The following CTDSPL variants were observed in gnomAD, a reference collection of about 807,000 sequenced individuals.
The protein encoded by CTDSPL is CTD small phosphatase-like protein.
CTDSPL carries 8 observed loss-of-function variants against 30.5 expected under a neutral mutation model. The observed-to-expected ratio is 0.26, with a 90% CI of 0.15 to 0.47. The LOEUF is 0.47. Ranked by LOEUF, CTDSPL falls within the 20% of genes least tolerant of loss-of-function variation. CTDSPL has a pLI of 0.99. For missense variants in CTDSPL, 248 were observed against 366.1 expected (o/e 0.68, Z 2.63); for synonymous variants, 110 against 137.9 (o/e 0.80, Z 1.42).
At chr3:37,905,611 A>G (rs778375783) in intron 1 of CTDSPL, among the ~76,000 whole-genome samples, 9 of 152,088 alleles carry the variant, frequency 5.9e-5, no homozygotes, top group Non-Finnish European at 1.0e-4. Context: ...TCCTTGTGCC[A>G]CAGCTGGGCA....
At chr3:37,877,584 A>G (rs1047989388) in intron 1 of CTDSPL, among the ~76,000 whole-genome samples, 19 of 152,182 alleles carry the variant, frequency 1.2e-4, no homozygotes, top group African/African-American at 9.7e-5. Context: ...CTCTGCTTTC[A>G]GTTCTTTGGT....
In CTDSPL at chr3:37,940,759, A is replaced by C. The variant is rs1299329935; in HGVS notation, c.80-6298A>C. Among the ~76,000 whole-genome samples the C allele has an allele frequency of 4.0e-5, 6 of 150,300 alleles. 1 individual carries two copies. Among genetic ancestry groups the C allele is most frequent in the Admixed American group, 2.0e-4 (3 of 15,002 alleles). ...ATTGGTAGGGTGAGAGTGGTTCCCC[A>C]GAGGAAAATAGAGGAACTTTTACCA... On this transcript the variant is annotated intron_variant, in intron 1 of 7. Transcript: ENST00000273179.
At chr3:37,971,077 G>A (rs773481656) in intron 5 of CTDSPL, among the ~76,000 whole-genome samples, 2 of 152,170 alleles carry the variant, frequency 1.3e-5, no homozygotes, top group East Asian at 1.9e-4. Flanking sequence ...AGAAACACAC[G>A]TGAAATGAAT....
intron 1 of CTDSPL, among the ~76,000 whole-genome samples, chr3:37,888,451 G>T (rs1341255248): frequency 6.6e-6 from 1 of 152,206 alleles, no homozygotes; most frequent in Middle Eastern, 3.4e-3. Context: ...ACTTAGTGGT[G>T]CCATTCTCCA....
At position 37,971,796 on chromosome 3, in the gene CTDSPL, G is replaced by A. The variant is rs556205729; in HGVS notation, c.519+297G>A. ...AATCACAAACAGGTCCAGTGTAATG[G>A]ACAAAGGATGGTGTACCCCTCAACC... On this transcript the variant is annotated intron_variant, in intron 6 of 7. Transcript: ENST00000273179. Among the ~76,000 whole-genome samples, 151 of 152,338 alleles carry A rather than the reference G, an allele frequency of 9.9e-4. 2 individuals carry two copies. In the South Asian group the frequency reaches 0.03, roughly 31 times the overall value.
In CTDSPL at chr3:37,973,461, C is replaced by T. The variant is rs779015867; in HGVS notation, c.519+1962C>T. Reference sequence around the variant, plus strand: ...CTCCCACCTGCCCCACCATCTGTCTCTTCAACCCTTCTCTTGCTGCTACTC... The same window carrying T: ...CTCCCACCTGCCCCACCATCTGTCTTTTCAACCCTTCTCTTGCTGCTACTC... On this transcript the variant is annotated intron_variant, in intron 6 of 7. Coordinates refer to ENST00000273179, the MANE Select transcript of CTDSPL (RefSeq NM_001008392.2). Among the ~76,000 whole-genome samples the T allele has an allele frequency of 1.4e-3, 219 of 152,270 alleles. 5 individuals carry two copies. The highest frequency in any genetic ancestry group is 5.0e-4 in the Non-Finnish European group (34 of 68,054).
intron 1 of CTDSPL, among the ~76,000 whole-genome samples, chr3:37,904,720 A>G (rs188058429): frequency 1.3e-5 from 2 of 152,258 alleles, no homozygotes; most frequent in African/African-American, 4.8e-5. Flanking sequence ...CTTTCTTCCC[A>G]CATGGCCAGG....
chr3:37,925,878 C>G (rs547467760), intron 1 of CTDSPL, among the ~76,000 whole-genome samples: 70 of 152,188 alleles, frequency 4.6e-4, no homozygotes, highest in Non-Finnish European at 8.8e-4. Flanking sequence ...TCTTTAACCT[C>G]TTCCCTGCTT....
chr3:37,919,809 G>A (rs1242457682), intron 1 of CTDSPL, among the ~76,000 whole-genome samples: 1 of 151,994 alleles, frequency 6.6e-6, no homozygotes, highest in African/African-American at 2.4e-5. Context: ...GCTGGGCCCT[G>A]GGGGAAACAG....
At chr3:37,919,236 A>G (rs1223476212) in intron 1 of CTDSPL, among the ~76,000 whole-genome samples, 2 of 152,230 alleles carry the variant, frequency 1.3e-5, no homozygotes, top group African/African-American at 2.4e-5. Flanking sequence ...AAGATGCTTC[A>G]TCATAGACTC....
chr3:37,941,058 A>G (rs921997474), intron 1 of CTDSPL, among the ~76,000 whole-genome samples: 2 of 150,304 alleles, frequency 1.3e-5, no homozygotes, highest in Admixed American at 1.3e-4. Context: ...CAAGGGAGAA[A>G]TGTGTATGAG....
In CTDSPL at chr3:37,907,945, G is replaced by C. The variant is rs150900587; in HGVS notation, c.80-39112G>C. Among the ~76,000 whole-genome samples the C allele has an allele frequency of 9.8e-3, 1,499 of 152,332 alleles. 13 individuals carry two copies. Among genetic ancestry groups the C allele is most frequent in the Non-Finnish European group, 0.017 (1,156 of 68,024 alleles). The stretch of plus-strand genomic sequence containing the variant: ...GGTGTGCCAGGAACTATCACACATG[G>C]TAAATGCGACCCTATGCTCCTGAGA... On this transcript the variant is annotated intron_variant, in intron 1 of 7. Coordinates refer to ENST00000273179, the MANE Select transcript of CTDSPL (RefSeq NM_001008392.2).
chr3:37,874,249 A>G lies in CTDSPL; in HGVS notation c.79+11971A>G, dbSNP rs374665283. Among the ~76,000 whole-genome samples, 291 of 152,332 alleles carry G rather than the reference A, an allele frequency of 1.9e-3. 2 individuals carry two copies. Among genetic ancestry groups the G allele is most frequent in the African/African-American group, 6.7e-3 (278 of 41,586 alleles). Reference sequence around the variant, plus strand: ...GAAGAACCCCGTTTGGCATGGCAGCACTGGGTGTTCAGAAGGGACCACACC... The same window carrying G: ...GAAGAACCCCGTTTGGCATGGCAGCGCTGGGTGTTCAGAAGGGACCACACC... On this transcript the variant is annotated intron_variant, in intron 1 of 7. Coordinates refer to ENST00000273179, the MANE Select transcript of CTDSPL (RefSeq NM_001008392.2).
At chr3:37,886,636 C>T (rs2125594536) in intron 1 of CTDSPL, among the ~76,000 whole-genome samples, 2 of 152,330 alleles carry the variant, frequency 1.3e-5, no homozygotes, top group Admixed American at 1.3e-4. Context: ...CAAAGTCAAC[C>T]AGCAATCCAT....
At chr3:37,869,536 A>G (rs188606556) in intron 1 of CTDSPL, among the ~76,000 whole-genome samples, 164 of 152,244 alleles carry the variant, frequency 1.1e-3, no homozygotes, top group Non-Finnish European at 2.0e-3. Flanking sequence ...AGTCCTTCAC[A>G]TAGACAAACG....
chr3:37,959,344 G>A (rs77584128), intron 3 of CTDSPL, among the ~76,000 whole-genome samples: 3,824 of 152,316 alleles, frequency 0.025, 160 homozygotes, highest in African/African-American at 0.086. Flanking sequence ...ATTAACACCT[G>A]TGGGAATACA....
intron 2 of CTDSPL, among the ~76,000 whole-genome samples, chr3:37,955,715 G>T (rs1230422401): frequency 2.0e-5 from 3 of 152,152 alleles, no homozygotes; most frequent in Admixed American, 2.0e-4. Context: ...AGGAGGGTGA[G>T]GATGAAAAGA....
rs189802360 is a variant in CTDSPL, at chr3:37,864,300, G to A, written c.79+2022G>A. Among the ~76,000 whole-genome samples the A allele has an allele frequency of 2.6e-3, 394 of 152,272 alleles. 5 individuals are homozygous for A. Among genetic ancestry groups the A allele is most frequent in the Non-Finnish European group, 7.2e-4 (49 of 68,030 alleles). The stretch of plus-strand genomic sequence containing the variant: ...CTTTCCCTTTTCCTCTAGGTGCTAG[G>A]ATTTTTAAAACAAAGAATCAATCTA... On this transcript the variant is annotated intron_variant, in intron 1 of 7. Transcript: ENST00000273179.
At chr3:37,878,073 C>T (rs1051774290) in intron 1 of CTDSPL, among the ~76,000 whole-genome samples, 5 of 152,212 alleles carry the variant, frequency 3.3e-5, no homozygotes, top group African/African-American at 1.2e-4. Context: ...AGTGTCTCCA[C>T]ATCCTCATCA....
Sources: gnomAD v4.1 joint callset for allele counts (sites outside exome capture counted in the v4.1 genomes callset) on GRCh38, gnomAD v4.1.1 for gene constraint, MANE v1.5 for transcripts, NCBI Gene and HGNC (gene_info 2026-07-23, HGNC 2026-07-21) for gene names.